Variants in SOX6 observed in about 807,000 individuals in gnomAD.
SOX6 encodes SRY-box transcription factor 6, also known as transcription factor SOX-6.
In SOX6, 11 loss-of-function variants were observed where a neutral mutation model predicts 97.8. The ratio of observed to expected loss-of-function variants is 0.11; its 90% confidence interval spans 0.07 to 0.19. The LOEUF is 0.19. Ranked by LOEUF, SOX6 falls within the 10% of genes least tolerant of loss-of-function variation. The pLI is 1.00. For missense variants in SOX6, 810 were observed against 1,039.5 expected, an observed-to-expected ratio of 0.78 and a Z score of 3.04; for synonymous variants, 360 against 371.4, an observed-to-expected ratio of 0.97 and a Z score of 0.35.
chr11:16,245,467 C>T (rs532443580), intron 3 of SOX6, among the ~76,000 whole-genome samples: 1 of 151,770 alleles, frequency 6.6e-6, no homozygotes, highest in East Asian at 1.9e-4. Flanking sequence ...TTCAGGTCTT[C>T]TACAGTCTTA....
rs554315276 is a variant in SOX6 at position 16,474,070 on chromosome 11, G to A, written c.-5+2245C>T. 4.4e-4 allele frequency among the ~76,000 whole-genome samples: 67 copies of A among 152,258 alleles called. 2 individuals carry two copies. In the South Asian group the frequency reaches 0.014, roughly 31 times the overall value. Reference sequence around the variant, plus strand: ...AAGTACTTTCTTTGTTCATTTTGAAGAAGCAATTCCTCATCTTCTCAAGTT... The same window carrying A: ...AAGTACTTTCTTTGTTCATTTTGAAAAAGCAATTCCTCATCTTCTCAAGTT... On this transcript the variant is annotated intron_variant, in intron 1 of 15. Coordinates refer to the SOX6 transcript ENST00000396356.
intron 4 of SOX6, among the ~76,000 whole-genome samples, chr11:16,509,280 T>C (rs1222759344): frequency 6.6e-6 from 1 of 151,984 alleles, no homozygotes; most frequent in Non-Finnish European, 1.5e-5. Context: ...ACACATATTA[T>C]TTAACCTTCT....
At chr11:16,156,546 A>C (rs1433953275) in intron 6 of SOX6, among the ~76,000 whole-genome samples, 3 of 151,980 alleles carry the variant, frequency 2.0e-5, no homozygotes, top group Non-Finnish European at 2.9e-5. Flanking sequence ...TCAGCATGTC[A>C]AAAATAAAAC....
intron 9 of SOX6, among the ~76,000 whole-genome samples, chr11:16,086,254 T>C (rs1251284934): frequency 6.6e-6 from 1 of 152,222 alleles, no homozygotes; most frequent in Non-Finnish European, 1.5e-5. Flanking sequence ...TTTAATACTC[T>C]ATAATTAGTC....
chr11:16,682,878 A>G (rs1847939222), intron 3 of SOX6, among the ~76,000 whole-genome samples: 1 of 152,248 alleles, frequency 6.6e-6, no homozygotes, highest in Non-Finnish European at 1.5e-5. Flanking sequence ...CTGATAAGCA[A>G]CTTCAGCAAA....
At chr11:16,138,863 C>T (rs1251656248) in intron 6 of SOX6, among the ~76,000 whole-genome samples, 2 of 152,072 alleles carry the variant, frequency 1.3e-5, no homozygotes, top group African/African-American at 2.4e-5. Context: ...ATCCTTGTCC[C>T]TACAAAGGAC....
chr11:16,599,572 A>C (rs1238299784), intron 4 of SOX6, among the ~76,000 whole-genome samples: 3 of 152,176 alleles, frequency 2.0e-5, no homozygotes, highest in African/African-American at 7.2e-5. Context: ...AAGTATCATG[A>C]AAGAGAATGC....
intron 4 of SOX6, among the ~76,000 whole-genome samples, chr11:16,211,773 A>G (rs1055404633): frequency 6.6e-6 from 1 of 152,198 alleles, no homozygotes; most frequent in Non-Finnish European, 1.5e-5. Flanking sequence ...AGAAAGGGAA[A>G]TCACTAACAT....
At chr11:16,381,509 T>C (rs1857819265) in intron 1 of SOX6, among the ~76,000 whole-genome samples, 1 of 152,050 alleles carries the variant, frequency 6.6e-6, no homozygotes, top group Admixed American at 6.6e-5. Flanking sequence ...ATGCTTAAAA[T>C]ATGTTCAATT....
intron 3 of SOX6, among the ~76,000 whole-genome samples, chr11:16,637,217 C>T (rs776417027): frequency 1.3e-4 from 20 of 152,026 alleles, no homozygotes; most frequent in Admixed American, 2.6e-4. Context: ...CTTCTTCAGC[C>T]AAATACTTAT....
intron 4 of SOX6, among the ~76,000 whole-genome samples, chr11:16,575,591 T>G (rs1442011080): frequency 6.6e-6 from 1 of 152,166 alleles, no homozygotes; most frequent in East Asian, 1.9e-4. Flanking sequence ...ATGATACAGT[T>G]TGACAAAAAT....
intron 6 of SOX6, among the ~76,000 whole-genome samples, chr11:16,161,731 G>C (rs1357136434): frequency 1.3e-5 from 2 of 152,078 alleles, no homozygotes; most frequent in African/African-American, 4.8e-5. Flanking sequence ...TCTGTCCTTT[G>C]ACATAACTAG....
intron 3 of SOX6, among the ~76,000 whole-genome samples, chr11:16,679,203 C>T (rs1286247842): frequency 6.6e-6 from 1 of 152,174 alleles, no homozygotes; most frequent in Non-Finnish European, 1.5e-5. Context: ...AGACATCTCC[C>T]AGTACGGGCC....
At chr11:16,431,786 A>G (rs1470639475) in intron 1 of SOX6, among the ~76,000 whole-genome samples, 3 of 152,096 alleles carry the variant, frequency 2.0e-5, no homozygotes, top group African/African-American at 7.2e-5. Flanking sequence ...TTTGTCATAG[A>G]TAACTTTCCC....
intron 3 of SOX6, among the ~76,000 whole-genome samples, chr11:16,258,830 T>TATAC (rs1853780494): frequency 6.7e-6 from 1 of 149,702 alleles, no homozygotes; most frequent in Non-Finnish European, 1.5e-5. Context: ...TACATGTATA[T>TATAC]ACACACACAC....
chr11:16,709,044 T>C (rs1282883033), intron 3 of SOX6, among the ~76,000 whole-genome samples: 2 of 152,196 alleles, frequency 1.3e-5, no homozygotes, highest in African/African-American at 4.8e-5. Context: ...TGGCATCTTG[T>C]ACAACTCTAA....
intron 4 of SOX6, among the ~76,000 whole-genome samples, chr11:16,578,750 A>C (rs568854413): frequency 6.6e-6 from 1 of 152,274 alleles, no homozygotes; most frequent in African/African-American, 2.4e-5. Flanking sequence ...AGAGATATGA[A>C]GATAAAGACA....
rs1416016463 is a variant in SOX6, at chr11:15,973,131, C to G, written c.2184-19G>C. ...CTGTTGCCTATATAGATTCAAGAAA[C>G]AAAATCAGACAAGGGAGAAATATCT... On this transcript the variant is annotated intron_variant, in intron 15 of 15. Coordinates refer to ENST00000683767, the MANE Select transcript of SOX6 (RefSeq NM_001367873.1). 5.0e-6 allele frequency: 8 copies of G among 1,612,612 alleles called. No individual in the cohort carries two copies. The East Asian group carries it at 1.8e-4, about 36-fold the overall frequency.
At chr11:16,410,826 G>A (rs1029369949) in intron 1 of SOX6, among the ~76,000 whole-genome samples, 10 of 148,138 alleles carry the variant, frequency 6.8e-5, no homozygotes, top group Admixed American at 6.7e-4. Context: ...AGGTAAAAAT[G>A]AAAACAGATG....
Sources: allele counts gnomAD v4.1 joint callset (sites outside exome capture counted in the v4.1 genomes callset), GRCh38; gene constraint gnomAD v4.1.1; transcripts MANE v1.5; gene names NCBI Gene and HGNC (gene_info 2026-07-23, HGNC 2026-07-21).